Variants in YY1 observed in about 807,000 individuals in gnomAD.
YY1 encodes the protein transcriptional repressor protein YY1.
A neutral mutation model predicts 35.6 loss-of-function variants in YY1; 2 were observed. The observed-to-expected ratio is 0.06, with a 90% CI of 0.02 to 0.18. The LOEUF is 0.18. YY1 is among the 10% of genes least tolerant of loss of function. The pLI, the probability that YY1 is intolerant of heterozygous loss-of-function variation, is 1.00. For missense variants in YY1, 322 were observed against 573.4 expected, an observed-to-expected ratio of 0.56 and a Z score of 4.48; for synonymous variants, 268 against 238.9, an observed-to-expected ratio of 1.12 and a Z score of -1.12.
At chr14:100,249,697 A>T (rs937606048) in intron 1 of YY1, among the ~76,000 whole-genome samples, 1 of 151,434 alleles carries the variant, frequency 6.6e-6, no homozygotes, top group Non-Finnish European at 1.5e-5. Flanking sequence ...TAGAAGCAGC[A>T]TGGGCTTTTA....
intron 2 of YY1, chr14:100,264,370 T>G (rs964366576): frequency 4.6e-5 from 7 of 152,112 alleles, no homozygotes; most frequent in Admixed American, 2.6e-4. Flanking sequence ...AGAGACGGAG[T>G]TTCACCATGT....
Position 100,239,450 on chromosome 14 carries a change from G to GCCACCA in YY1, c.219_224dup (p.His79_His80dup), listed in dbSNP as rs76675246. 19 of 1,595,106 alleles carry GCCACCA rather than the reference G, an allele frequency of 1.2e-5. No individual in the cohort carries two copies. Among genetic ancestry groups the GCCACCA allele is most frequent in the Non-Finnish European group, 1.4e-5 (16 of 1,173,216 alleles). ...GGCGGGGGCGGCCACGGGCACGCCG[G>GCCACCA]CCACCACCACCACCACCATCACCAC... On this transcript the variant is annotated inframe_insertion, in exon 1 of 5. Transcript: ENST00000262238.
intron 1 of YY1, among the ~76,000 whole-genome samples, chr14:100,254,940 A>ATT (rs35165026): frequency 0.037 from 1,087 of 29,544 alleles, 101 homozygotes; most frequent in Middle Eastern, 0.05. Context: ...CGCCCAGCTA[A>ATT]TTTTTTTTTT....
chr14:100,242,127 CAT>C (rs1890756288), intron 1 of YY1, among the ~76,000 whole-genome samples: 1 of 152,068 alleles, frequency 6.6e-6, no homozygotes, highest in Admixed American at 6.6e-5. Flanking sequence ...TACTTTTTCT[CAT>C]AGTGTGTGGA....
intron 1 of YY1, among the ~76,000 whole-genome samples, chr14:100,249,553 T>C (rs1421369452): frequency 6.6e-6 from 1 of 152,120 alleles, no homozygotes; most frequent in Admixed American, 6.6e-5. Flanking sequence ...ACTTTGAATA[T>C]TGAGTGAATG....
rs1891314847 is a variant in YY1, at chr14:100,276,184, G to A, written c.904-306G>A. ...TGGCTGTGGTAGAGCTGGAAGCCAG[G>A]GTGTTGGGTTCTATTCCCAGTTTGG... On this transcript the variant is annotated intron_variant, in intron 3 of 4. Transcript: ENST00000262238. This position sits in a 1 kb window ranked among gnomAD's most constrained non-coding sequence, Gnocchi z 4.1. 5.2e-6 allele frequency: 2 copies of A among 383,492 alleles called. No homozygotes were observed. The highest frequency in any genetic ancestry group is 4.6e-5 in the South Asian group (2 of 43,480). 23.8% of individuals were successfully genotyped at this position (383,492 alleles called of 1,614,324 possible). A position where few individuals can be genotyped will look rare whatever the true frequency, so the allele number is the denominator to read the frequency against.
intron 1 of YY1, among the ~76,000 whole-genome samples, chr14:100,245,254 C>T (rs1301476485): frequency 6.6e-6 from 1 of 152,114 alleles, no homozygotes; most frequent in African/African-American, 2.4e-5. Flanking sequence ...CTGTATTTAA[C>T]CTGAATATAC....
At chr14:100,240,942 C>A (rs1195807597) in intron 1 of YY1, among the ~76,000 whole-genome samples, 4 of 152,118 alleles carry the variant, frequency 2.6e-5, no homozygotes, top group African/African-American at 9.7e-5. Flanking sequence ...CTATTTTCCC[C>A]ATGAAAAGAA....
chr14:100,260,922 A>G (rs189356637), intron 1 of YY1, among the ~76,000 whole-genome samples: 3 of 151,068 alleles, frequency 2.0e-5, no homozygotes, highest in East Asian at 3.9e-4. Flanking sequence ...CAGCTTCCCA[A>G]GTAGCTGGGA....
chr14:100,239,525 C>T lies in YY1; in HGVS notation c.281C>T (p.Pro94Leu), dbSNP rs1890691522. The change falls in exon 1 of 5, where the codon CCG (proline) becomes CTG (leucine). Residue 94 changes from proline (P) to leucine (L), a missense_variant. Coordinates refer to ENST00000262238, the MANE Select transcript of YY1 (RefSeq NM_003403.5). ...IALQPLVTDD[P>L]TQVHHHQEVI... is the part of the protein sequence containing the mutation. Reference sequence around the variant, plus strand: ...CTGCAGCCGCTGGTCACCGACGACCCGACCCAGGTGCACCACCACCAGGAG... The same window carrying T: ...CTGCAGCCGCTGGTCACCGACGACCTGACCCAGGTGCACCACCACCAGGAG... 6.2e-7 allele frequency: 1 copy of T among 1,611,914 alleles called. No individual in the cohort carries two copies. The highest frequency in any genetic ancestry group is 8.5e-7 in the Non-Finnish European group (1 of 1,179,574).
intron 2 of YY1, among the ~76,000 whole-genome samples, chr14:100,269,213 T>C (rs1891198404): frequency 6.6e-6 from 1 of 152,184 alleles, no homozygotes; most frequent in Non-Finnish European, 1.5e-5. Flanking sequence ...AATGAACTCA[T>C]TTTTAGCTAG....
Position 100,276,308 on chromosome 14 carries a change from T to A in YY1, c.904-182T>A, listed in dbSNP as rs1402983103. On this transcript the variant is annotated intron_variant, in intron 3 of 4. Transcript: ENST00000262238. This position sits in a 1 kb window ranked among gnomAD's most constrained non-coding sequence, Gnocchi z 4.1. Reference sequence around the variant, plus strand: ...ACTAGGGTTTGCATTGAATGATGACTTTTTCAGCTGTCTGCTTTTTGTCTT... The same window carrying A: ...ACTAGGGTTTGCATTGAATGATGACATTTTCAGCTGTCTGCTTTTTGTCTT... The A allele has an allele frequency of 2.5e-6, 2 of 809,832 alleles. No individual in the cohort carries two copies. Among genetic ancestry groups the A allele is most frequent in the Non-Finnish European group, 3.8e-6 (2 of 523,594 alleles). The allele number at this position is 809,832 out of a possible 1,614,324, so 50.2% of individuals were successfully genotyped here.
chr14:100,240,080 C>G (rs1595310030), intron 1 of YY1, among the ~76,000 whole-genome samples, 157 bp downstream of exon 1: 1 of 145,150 alleles, frequency 6.9e-6, no homozygotes, highest in Admixed American at 6.8e-5. Context: ...GCGGCGGCGG[C>G]GGCGGGCGGC....
At chr14:100,249,300 T>C (rs1415082469) in intron 1 of YY1, among the ~76,000 whole-genome samples, 6 of 151,800 alleles carry the variant, frequency 4.0e-5, no homozygotes, top group African/African-American at 1.2e-4. Context: ...TTTGTACTTT[T>C]AGTAGAGATG....
chr14:100,274,546 G>A (rs1891292873), intron 2 of YY1, 152 bp from the exon 3 acceptor site: 1 of 671,944 alleles, frequency 1.5e-6, no homozygotes, highest in Non-Finnish European at 2.7e-6. Context: ...CTTAGTGAAT[G>A]CAAGTTGTCT....
chr14:100,260,410 G>T (rs912022579), intron 1 of YY1, among the ~76,000 whole-genome samples: 1 of 148,580 alleles, frequency 6.7e-6, no homozygotes, highest in African/African-American at 2.5e-5. Context: ...AATTATATGG[G>T]GTCTGAATAT....
intron 1 of YY1, among the ~76,000 whole-genome samples, chr14:100,247,383 CTTTT>C (rs78485580): frequency 1.5e-5 from 2 of 135,334 alleles, no homozygotes; most frequent in African/African-American, 2.7e-5. Flanking sequence ...TTCTTTTTTT[CTTTT>C]TTTTTTTTTT....
chr14:100,257,367 A>G (rs907285852), intron 1 of YY1, among the ~76,000 whole-genome samples: 2 of 152,074 alleles, frequency 1.3e-5, no homozygotes, highest in Non-Finnish European at 2.9e-5. Context: ...ATAATCATTT[A>G]GCCTGTGATT....
intron 1 of YY1, among the ~76,000 whole-genome samples, chr14:100,258,594 C>G (rs545999194): frequency 6.6e-6 from 1 of 152,258 alleles, no homozygotes; most frequent in East Asian, 1.9e-4. Context: ...ACCTCGTGAT[C>G]CGCCCGCCTC....
Sources: gnomAD v4.1 joint callset for allele counts (sites outside exome capture counted in the v4.1 genomes callset) on GRCh38, gnomAD v4.1.1 for gene constraint, Gnocchi (gnomAD v3.1) non-coding constraint, MANE v1.5 for transcripts, NCBI Gene and HGNC (gene_info 2026-07-23, HGNC 2026-07-21) for gene names.